Variants in DPP6 observed in about 807,000 individuals in gnomAD.
DPP6 encodes the protein A-type potassium channel modulatory protein DPP6.
Under a neutral mutation model 122.6 loss-of-function variants are expected in DPP6, and 69 were observed. The observed-to-expected ratio is 0.56, with a 90% confidence interval of 0.46 to 0.69. The LOEUF is 0.69. Among genes scored for constraint, DPP6 ranks in the 30% least tolerant of loss-of-function variants. The pLI, the probability that DPP6 is intolerant of heterozygous loss-of-function variation, is 0.00. For missense variants in DPP6, 928 were observed against 1,116.9 expected (o/e 0.83, Z 2.41); for synonymous variants, 418 against 433.1 (o/e 0.97, Z 0.43).
chr7:154,032,095 C>T (rs183800181), intron 1 of DPP6, among the ~76,000 whole-genome samples: 1 of 150,700 alleles, frequency 6.6e-6, no homozygotes, highest in East Asian at 2.0e-4. Flanking sequence ...TGGATGGTCT[C>T]GATCTCCTGA....
intron 1 of DPP6, among the ~76,000 whole-genome samples, chr7:154,433,877 C>T (rs2151262798): frequency 6.6e-6 from 1 of 152,290 alleles, no homozygotes; most frequent in Admixed American, 6.5e-5. Flanking sequence ...TTTAGGCCTA[C>T]ACGTTCTTTT....
chr7:154,291,575 C>G lies in DPP6; in HGVS notation c.244-154639C>G, dbSNP rs377116002. On this transcript the variant is annotated intron_variant, in intron 1 of 25. Coordinates refer to ENST00000377770, the MANE Select transcript of DPP6 (RefSeq NM_130797.4). ...AATGGCTGCGTCCTCATAGCCTAGA[C>G]TCTCTCTCCTGAGCTTTGAAGCTTC... 2.6e-4 allele frequency among the ~76,000 whole-genome samples: 40 copies of G among 152,280 alleles called. 2 individuals carry two copies. The South Asian group carries it at 7.7e-3, about 29-fold the overall frequency.
chr7:154,189,423 A>G (rs1381590827), intron 1 of DPP6, among the ~76,000 whole-genome samples: 1 of 152,198 alleles, frequency 6.6e-6, no homozygotes, highest in Non-Finnish European at 1.5e-5. Flanking sequence ...TTTATACAGC[A>G]GCTATTAAAA....
intron 1 of DPP6, among the ~76,000 whole-genome samples, chr7:153,971,953 C>T (rs71530404): frequency 0.032 from 4,321 of 136,938 alleles, 220 homozygotes; most frequent in African/African-American, 0.079. Context: ...CTGGGGCCCT[C>T]GTAAGCTCAA....
At chr7:154,055,079 G>A (rs947944852) in intron 1 of DPP6, among the ~76,000 whole-genome samples, 13 of 140,576 alleles carry the variant, frequency 9.2e-5, no homozygotes, top group African/African-American at 3.5e-4. Context: ...TTAGATGTAA[G>A]TCCTGACATG....
the DPP6 span, among the ~76,000 whole-genome samples, chr7:153,810,311 T>TA: frequency 6.6e-6 from 1 of 152,154 alleles, no homozygotes; most frequent in Non-Finnish European, 1.5e-5. Context: ...TGGTAAGACT[T>TA]ACGATGTATG....
intron 1 of DPP6, among the ~76,000 whole-genome samples, chr7:153,916,594 A>G (rs922415984): frequency 4.0e-5 from 6 of 151,186 alleles, no homozygotes; most frequent in African/African-American, 1.5e-4. Context: ...TTTTTAGTAG[A>G]AACGGGGTTT....
intron 1 of DPP6, among the ~76,000 whole-genome samples, chr7:153,913,907 A>G (rs955776509): frequency 6.6e-6 from 1 of 152,204 alleles, no homozygotes; most frequent in Non-Finnish European, 1.5e-5. Flanking sequence ...TAGTAGAAAT[A>G]CGGACTTTCT....
At chr7:153,788,928 G>C in the DPP6 span, among the ~76,000 whole-genome samples, 1 of 150,180 alleles carries the variant, frequency 6.7e-6, no homozygotes, top group Non-Finnish European at 1.5e-5. Context: ...TCGTGCCTCT[G>C]TACTCCAGCC....
intron 1 of DPP6, among the ~76,000 whole-genome samples, chr7:154,296,995 C>A (rs1178767345): frequency 6.6e-6 from 1 of 151,934 alleles, no homozygotes; most frequent in Non-Finnish European, 1.5e-5. Context: ...AAGTGTACTG[C>A]CTTAAGCAGT....
At chr7:154,771,778 C>G (rs376633060) in intron 9 of DPP6, among the ~76,000 whole-genome samples, 1 of 152,320 alleles carries the variant, frequency 6.6e-6, no homozygotes, top group East Asian at 1.9e-4. Context: ...TATTTCACTC[C>G]TTTTTCAGCT....
chr7:153,986,947 GA>G (rs1040979405), intron 1 of DPP6, among the ~76,000 whole-genome samples: 2 of 151,080 alleles, frequency 1.3e-5, no homozygotes, highest in African/African-American at 2.4e-5. Flanking sequence ...GAGATAAAAG[GA>G]AAAAAAAGAG....
intron 1 of DPP6, among the ~76,000 whole-genome samples, chr7:154,423,044 T>A (rs1308078314): frequency 1.3e-5 from 2 of 152,194 alleles, no homozygotes; most frequent in Admixed American, 1.3e-4. Context: ...TAAGAGTGTG[T>A]GTTGTTGTTA....
intron 3 of DPP6, among the ~76,000 whole-genome samples, chr7:154,539,248 T>C (rs79189407): frequency 0.033 from 4,975 of 152,172 alleles, 272 homozygotes; most frequent in African/African-American, 0.11. Flanking sequence ...GTAGTTTGCC[T>C]GTATGAAATT....
chr7:154,063,682 G>C (rs1242079702), intron 1 of DPP6, among the ~76,000 whole-genome samples: 1 of 141,746 alleles, frequency 7.1e-6, no homozygotes, highest in Non-Finnish European at 1.5e-5. Flanking sequence ...CATCCCAGCG[G>C]GGGGAGGCAC....
intron 1 of DPP6, among the ~76,000 whole-genome samples, chr7:154,385,298 C>T (rs1257235611): frequency 6.6e-6 from 1 of 152,156 alleles, no homozygotes; most frequent in Non-Finnish European, 1.5e-5. Flanking sequence ...ACCATGAAGA[C>T]CCCACTTCAC....
At chr7:154,576,254 G>T (rs1175485660) in intron 5 of DPP6, among the ~76,000 whole-genome samples, 2 of 152,044 alleles carry the variant, frequency 1.3e-5, no homozygotes, top group African/African-American at 4.8e-5. Context: ...CTCCGTCTGC[G>T]TCCACCGCTG....
chr7:153,853,479 A>G, the DPP6 span, among the ~76,000 whole-genome samples: 2 of 152,220 alleles, frequency 1.3e-5, no homozygotes, highest in African/African-American at 2.4e-5. Flanking sequence ...GCCAAGAAAC[A>G]TTGTTGTCAA....
Position 154,566,878 on chromosome 7 carries a change from G to C in DPP6, c.589G>C (p.Asp197His), listed in dbSNP as rs776713274. The change falls in exon 5 of 26, where the codon GAT becomes CAT. Residue 197 changes from aspartate (D) to histidine (H), a missense_variant. Physicochemically the swap from Asp to His is moderately conservative, Grantham distance 81. Transcript: ENST00000377770. Reference protein sequence around the residue: ...LRAIRYEISPDREYALFSYNV... With the variant: ...LRAIRYEISPHREYALFSYNV... ...AGCCATCAGATATGAAATATCTCCA[G>C]ATAGAGAGTATGCACTTTTTTCATA... The C allele has an allele frequency of 1.9e-6, 3 of 1,607,562 alleles. No individual in the cohort carries two copies. Among genetic ancestry groups the C allele is most frequent in the Non-Finnish European group, 2.6e-6 (3 of 1,175,706 alleles).
Sources: allele counts gnomAD v4.1 joint callset (sites outside exome capture counted in the v4.1 genomes callset), GRCh38; gene constraint gnomAD v4.1.1; transcripts MANE v1.5; gene names NCBI Gene and HGNC (gene_info 2026-07-23, HGNC 2026-07-21).